Variants in FSD1L observed in about 807,000 individuals in gnomAD.
FSD1L encodes the protein FSD1-like protein.
A neutral mutation model predicts 71.6 loss-of-function variants in FSD1L; 45 were observed. That is an observed-to-expected ratio of 0.63 (90% CI 0.49 to 0.81). The LOEUF (loss-of-function observed/expected upper bound fraction) is 0.81, where lower values mean the gene tolerates loss of function less well. Among genes scored for constraint, FSD1L ranks in the 30% least tolerant of loss-of-function variants. FSD1L has a pLI of 0.00. For synonymous variants in FSD1L, 197 were observed against 207.2 expected, an observed-to-expected ratio of 0.95 and a Z score of 0.42; for missense variants, 561 against 618.1, an observed-to-expected ratio of 0.91 and a Z score of 0.98.
intron 3 of FSD1L, 24 bp from the exon 4 acceptor site, chr9:105,468,169 T>A: frequency 2.2e-6 from 3 of 1,352,268 alleles, no homozygotes; most frequent in Non-Finnish European, 2.9e-6. Context: ...TCAGTAAAAT[T>A]GTTTTGTTTT....
In FSD1L at chr9:105,471,896, TTC is replaced by T; in HGVS notation, c.340-7_340-6del. On this transcript the variant is annotated splice_region_variant and splice_polypyrimidine_tract_variant and intron_variant, in intron 4 of 13. Coordinates refer to ENST00000481272, the MANE Select transcript of FSD1L (RefSeq NM_001145313.3). ...TTAATGACTTAGTTTTTTTTTTTTT[TTC>T]CCTAGAGTCAGATTAGTCAATGTAA... 2 of 1,139,034 alleles carry T rather than the reference TTC, an allele frequency of 1.8e-6. No individual in the cohort carries two copies. The highest frequency in any genetic ancestry group is 2.4e-6 in the Non-Finnish European group (2 of 850,748). 70.6% of individuals were successfully genotyped at this position (1,139,034 alleles called of 1,614,324 possible).
chr9:105,532,261 T>C (rs1454312348), intron 10 of FSD1L, among the ~76,000 whole-genome samples: 1 of 152,228 alleles, frequency 6.6e-6, no homozygotes, highest in Non-Finnish European at 1.5e-5. Context: ...CATACAGACC[T>C]TTTGTGATCG....
At chr9:105,479,253 G>A (rs1327577611) in intron 5 of FSD1L, 101 bp from the exon 6 acceptor site, 3 of 983,004 alleles carry the variant, frequency 3.1e-6, no homozygotes, top group African/African-American at 1.6e-5. Context: ...CTAATCTGTT[G>A]CAGGGTTTAT....
chr9:105,448,368 G>A, intron 1 of FSD1L, 133 bp downstream of exon 1: 1 of 828,986 alleles, frequency 1.2e-6, no homozygotes, highest in Non-Finnish European at 1.7e-6. Flanking sequence ...GCTGCGGAGG[G>A]CAAGGCCGCC....
chr9:105,492,956 C>G (rs1185787202), intron 7 of FSD1L, among the ~76,000 whole-genome samples: 1 of 152,076 alleles, frequency 6.6e-6, no homozygotes, highest in Non-Finnish European at 1.5e-5. Flanking sequence ...TGGTGTGGTG[C>G]TGAAAAAAAT....
intron 12 of FSD1L, among the ~76,000 whole-genome samples, chr9:105,538,253 C>T (rs893572774): frequency 2.0e-5 from 3 of 152,208 alleles, no homozygotes; most frequent in South Asian, 2.1e-4. Context: ...TCATATGTAC[C>T]GTTATGCTGT....
At chr9:105,545,434 G>C (rs1159311738) in intron 13 of FSD1L, among the ~76,000 whole-genome samples, 1 of 145,472 alleles carries the variant, frequency 6.9e-6, no homozygotes, top group Non-Finnish European at 1.5e-5. Flanking sequence ...CTGCCTGATT[G>C]CTCTGGCCAG....
At chr9:105,496,268 A>G (rs569513277) in intron 7 of FSD1L, among the ~76,000 whole-genome samples, 188 of 148,816 alleles carry the variant, frequency 1.3e-3, no homozygotes, top group African/African-American at 4.1e-3. Flanking sequence ...CAGTGGCACA[A>G]TCTCTCTGCT....
chr9:105,474,213 G>C (rs1224013932), intron 5 of FSD1L, among the ~76,000 whole-genome samples: 5 of 152,102 alleles, frequency 3.3e-5, no homozygotes, highest in Non-Finnish European at 7.3e-5. Context: ...GCATGTTACT[G>C]TACTGAATCC....
intron 7 of FSD1L, among the ~76,000 whole-genome samples, chr9:105,494,902 C>G (rs1183805848): frequency 2.0e-5 from 3 of 152,152 alleles, no homozygotes; most frequent in Non-Finnish European, 4.4e-5. Flanking sequence ...AGGTGTCAGT[C>G]TGCCCCTATG....
At chr9:105,524,817 A>T in intron 10 of FSD1L, 5 of 1,589,296 alleles carry the variant, frequency 3.1e-6, no homozygotes, top group Non-Finnish European at 4.3e-6. Context: ...CCATTATCCA[A>T]TGAGCGGTGG....
chr9:105,526,894 C>A (rs1256611387), intron 10 of FSD1L, among the ~76,000 whole-genome samples: 1 of 151,770 alleles, frequency 6.6e-6, no homozygotes, highest in East Asian at 1.9e-4. Flanking sequence ...TGCTCCATTG[C>A]AACTTTATGG....
chr9:105,467,947 A>G (rs1033823721), intron 3 of FSD1L, among the ~76,000 whole-genome samples: 6 of 152,226 alleles, frequency 3.9e-5, no homozygotes, highest in Non-Finnish European at 8.8e-5. Context: ...TGAAGAGAGT[A>G]TGGGCTAGTC....
At position 105,523,325 on chromosome 9, in the gene FSD1L, C is replaced by T. The variant is rs112902646; in HGVS notation, c.1025+10389C>T. 3.4e-3 allele frequency: 5,442 copies of T among 1,590,988 alleles called. 173 individuals carry two copies. The African/African-American group carries it at 0.066, about 19-fold the overall frequency. ...AGGATCTGCAGCTCGATGAGAAGCT[C>T]CACCACGCTGTTCTTCAGACACCAG... is the stretch of plus-strand genomic sequence containing the variant. On this transcript the variant is annotated intron_variant, in intron 10 of 13. Coordinates refer to ENST00000481272, the MANE Select transcript of FSD1L (RefSeq NM_001145313.3).
chr9:105,511,453 G>C (rs896463068), intron 9 of FSD1L, among the ~76,000 whole-genome samples: 2 of 152,064 alleles, frequency 1.3e-5, no homozygotes, highest in Non-Finnish European at 2.9e-5. Flanking sequence ...TGGAAATGCA[G>C]GGTATAAGTT....
At chr9:105,496,865 T>C (rs542879378) in intron 7 of FSD1L, among the ~76,000 whole-genome samples, 35 of 152,322 alleles carry the variant, frequency 2.3e-4, no homozygotes, top group African/African-American at 8.2e-4. Flanking sequence ...ATACCTTGTA[T>C]TGTCGTACTG....
intron 1 of FSD1L, among the ~76,000 whole-genome samples, chr9:105,459,725 A>G (rs909960238): frequency 6.6e-6 from 1 of 152,176 alleles, no homozygotes; most frequent in African/African-American, 2.4e-5. Context: ...CAGGTTTACT[A>G]ATGTATTCGG....
chr9:105,471,566 A>G (rs547592534), intron 4 of FSD1L, among the ~76,000 whole-genome samples: 1 of 152,194 alleles, frequency 6.6e-6, no homozygotes, highest in South Asian at 2.1e-4. Context: ...TTAATTAATG[A>G]CAGTGGACTA....
At chr9:105,443,758 C>G (rs551917772), upstream of FSD1L, among the ~76,000 whole-genome samples, 158 of 152,158 alleles carry the variant, frequency 1.0e-3, no homozygotes, top group African/African-American at 3.5e-3. Context: ...ACAGCAAGAC[C>G]ATGTCTCTGT....
Sources: gnomAD v4.1 joint callset for allele counts (sites outside exome capture counted in the v4.1 genomes callset) on GRCh38, gnomAD v4.1.1 for gene constraint, MANE v1.5 for transcripts, NCBI Gene and HGNC (gene_info 2026-07-23, HGNC 2026-07-21) for gene names.